The following TBC1D7 variants were observed in gnomAD, a reference collection of about 807,000 sequenced individuals.
TBC1D7 encodes the protein TBC domain family 7.
Under a neutral mutation model 35.3 loss-of-function variants are expected in TBC1D7, and 33 were observed. That is an observed-to-expected ratio of 0.93 (90% CI 0.71 to 1.25). The LOEUF (loss-of-function observed/expected upper bound fraction) is 1.25. TBC1D7 is among the 50% of genes most tolerant of loss of function. The pLI is 0.00. For synonymous variants in TBC1D7, 135 were observed against 129.5 expected, an observed-to-expected ratio of 1.04 and a Z score of -0.29; for missense variants, 362 against 365.3, an observed-to-expected ratio of 0.99 and a Z score of 0.07.
At position 13,306,910 on chromosome 6, in the gene TBC1D7, A is replaced by T. The variant is rs576718338; in HGVS notation, c.666-383T>A. 2.7e-3 allele frequency: 411 copies of T among 155,008 alleles called. 2 individuals carry two copies. Among genetic ancestry groups the T allele is most frequent in the African/African-American group, 9.4e-3 (393 of 41,618 alleles). 9.6% of individuals were successfully genotyped at this position (155,008 alleles called of 1,614,324 possible). On this transcript the variant is annotated intron_variant, in intron 6 of 7. Coordinates refer to ENST00000379300, the MANE Select transcript of TBC1D7 (RefSeq NM_016495.6). ...ATAGCCTACTAAGGGACAACAAAAGATGTATATGAAATGGGATAAATTCAA... is the reference window on the plus strand; with the variant it reads ...ATAGCCTACTAAGGGACAACAAAAGTTGTATATGAAATGGGATAAATTCAA...
At chr6:13,312,997 ATTTC>A (rs1320202738) in intron 5 of TBC1D7, among the ~76,000 whole-genome samples, 3 of 152,124 alleles carry the variant, frequency 2.0e-5, no homozygotes, top group African/African-American at 7.2e-5. Flanking sequence ...ACAGACACAG[ATTTC>A]TTTGTCATTA....
At position 13,312,727 on chromosome 6, in the gene TBC1D7, A is replaced by T. The variant is rs538063132; in HGVS notation, c.519+3844T>A. Among the ~76,000 whole-genome samples the T allele has an allele frequency of 4.6e-5, 7 of 151,920 alleles. No individual in the cohort carries two copies. The South Asian group carries it at 1.0e-3, about 23-fold the overall frequency. On this transcript the variant is annotated intron_variant, in intron 5 of 7. Coordinates refer to ENST00000379300, the MANE Select transcript of TBC1D7 (RefSeq NM_016495.6). ...AAAAAAAGTTAGGAGAAAACAAAAA[A>T]ATATATATTTTTTTAATCTTGGGGT...
chr6:13,328,065 G>T (rs1404164019), intron 1 of TBC1D7: 1 of 152,198 alleles, frequency 6.6e-6, no homozygotes, highest in Non-Finnish European at 1.5e-5. Flanking sequence ...AACGCGTAAT[G>T]AGTGTGGGGA....
chr6:13,316,762 T>C (rs574961460), intron 4 of TBC1D7, 54 bp from the exon 5 acceptor site: 1 of 1,576,830 alleles, frequency 6.3e-7, no homozygotes, highest in Non-Finnish European at 8.6e-7. Context: ...GAGGAATACA[T>C]ATTTCTTTAA....
chr6:13,320,749 G>A (rs750704930), intron 4 of TBC1D7, 159 bp downstream of exon 4: 2 of 771,280 alleles, frequency 2.6e-6, no homozygotes, highest in African/African-American at 1.7e-5. Context: ...GGGTCAGAAT[G>A]TGCATGGCCA....
intron 5 of TBC1D7, among the ~76,000 whole-genome samples, chr6:13,310,072 G>A (rs1783084985): frequency 6.6e-6 from 1 of 152,166 alleles, no homozygotes; most frequent in Non-Finnish European, 1.5e-5. Flanking sequence ...TGGTTGTGAG[G>A]ATGGAAAAGA....
At chr6:13,324,566 C>T (rs1784279344) in intron 3 of TBC1D7, among the ~76,000 whole-genome samples, 1 of 152,212 alleles carries the variant, frequency 6.6e-6, no homozygotes, top group Admixed American at 6.5e-5. Context: ...ACTTAATTCA[C>T]ATTTTCTTCC....
At chr6:13,328,067 G>C (rs748860378) in intron 1 of TBC1D7, 1 of 152,186 alleles carries the variant, frequency 6.6e-6, no homozygotes. Context: ...CGCGTAATGA[G>C]TGTGGGGATT....
At chr6:13,326,598 A>G (rs1784420873) in intron 2 of TBC1D7, among the ~76,000 whole-genome samples, 189 bp downstream of exon 2, 1 of 152,236 alleles carries the variant, frequency 6.6e-6, no homozygotes, top group South Asian at 2.1e-4. Flanking sequence ...GAAACCTTTC[A>G]AAAACTTCTG....
At chr6:13,312,687 A>G (rs1252154096) in intron 5 of TBC1D7, among the ~76,000 whole-genome samples, 3 of 128,808 alleles carry the variant, frequency 2.3e-5, no homozygotes, top group Non-Finnish European at 4.8e-5. Flanking sequence ...GCAAGGCTCC[A>G]TCTCAGAAAA....
rs6929948 is a variant in TBC1D7, at chr6:13,328,433, G to A, written c.-146C>T. On this transcript the variant is annotated 5_prime_UTR_variant, in exon 1 of 8. Transcript: ENST00000379300. The stretch of plus-strand genomic sequence containing the variant: ...GGGCCAGGAGGGACGAGTCCTGCGG[G>A]AAGGAGGGAGGCGGCGGGGTACCTG... 2,472 of 152,742 alleles carry A rather than the reference G, an allele frequency of 0.016. 60 individuals are homozygous for A. The highest frequency in any genetic ancestry group is 0.095 in the East Asian group (490 of 5,184). The allele number at this position is 152,742 out of a possible 1,614,324, so 9.5% of individuals were successfully genotyped here. A position where few individuals can be genotyped will look rare whatever the true frequency, so the allele number is the denominator to read the frequency against.
At chr6:13,312,461 G>A (rs981640493) in intron 5 of TBC1D7, among the ~76,000 whole-genome samples, 2 of 152,076 alleles carry the variant, frequency 1.3e-5, no homozygotes, top group Non-Finnish European at 1.5e-5. Context: ...CCGAGTGGGG[G>A]CAGATCACCT....
chr6:13,321,402 A>G (rs573971596), intron 3 of TBC1D7, among the ~76,000 whole-genome samples: 2 of 152,306 alleles, frequency 1.3e-5, no homozygotes, highest in South Asian at 4.2e-4. Context: ...CAATCCTAAC[A>G]ATGGTTTAAC....
chr6:13,305,487 A>G, intron 7 of TBC1D7: 1 of 454,760 alleles, frequency 2.2e-6, no homozygotes, highest in South Asian at 2.1e-5. Flanking sequence ...GACTTCACAG[A>G]GCTGTTCACA....
At chr6:13,323,933 T>C (rs1234647743) in intron 3 of TBC1D7, among the ~76,000 whole-genome samples, 1 of 152,190 alleles carries the variant, frequency 6.6e-6, no homozygotes, top group African/African-American at 2.4e-5. Flanking sequence ...CTTTTCCCCA[T>C]CTGCAAAATT....
intron 5 of TBC1D7, among the ~76,000 whole-genome samples, chr6:13,308,460 G>A (rs1183029012): frequency 3.3e-5 from 5 of 152,106 alleles, no homozygotes; most frequent in African/African-American, 1.2e-4. Flanking sequence ...CTCTCATGAG[G>A]TCAGGTGGCA....
Position 13,326,776 on chromosome 6 carries a change from A to G in TBC1D7, c.112+11T>C, listed in dbSNP as rs774852851. 1.5e-5 allele frequency: 23 copies of G among 1,561,964 alleles called. No homozygotes were observed. Among genetic ancestry groups the G allele is most frequent in the Non-Finnish European group, 1.8e-5 (21 of 1,137,824 alleles). On this transcript the variant is annotated intron_variant, in intron 2 of 7. Transcript: ENST00000379300. ...TGAGAACCAATGAGATTAATTTTTA[A>G]AAGTACTCACCCAGACGGTCATCTT...
chr6:13,316,357 AC>A (rs1308625118), intron 5 of TBC1D7, among the ~76,000 whole-genome samples: 3 of 152,216 alleles, frequency 2.0e-5, no homozygotes, highest in Non-Finnish European at 4.4e-5. Context: ...CTTTTGTGCA[AC>A]AACAGCAGAG....
chr6:13,328,036 A>G (rs1353342758), intron 1 of TBC1D7: 2 of 152,232 alleles, frequency 1.3e-5, no homozygotes, highest in Admixed American at 1.3e-4. Flanking sequence ...TCTTAAAAAT[A>G]AAAAAGTCAG....
Sources: gnomAD v4.1 joint callset for allele counts (sites outside exome capture counted in the v4.1 genomes callset) on GRCh38, gnomAD v4.1.1 for gene constraint, MANE v1.5 for transcripts, NCBI Gene and HGNC (gene_info 2026-07-23, HGNC 2026-07-21) for gene names.